The following NRG1 variants were observed in gnomAD, a reference collection of about 807,000 sequenced individuals.
NRG1 encodes neuregulin 1, also known as pro-neuregulin-1, membrane-bound isoform.
In NRG1, 18 loss-of-function variants were observed where a neutral mutation model predicts 63.8. The observed-to-expected ratio is 0.28, with a 90% confidence interval of 0.19 to 0.42. NRG1 has a LOEUF of 0.42. Among genes scored for constraint, NRG1 ranks in the 10% least tolerant of loss-of-function variants. The pLI, the probability that NRG1 is intolerant of heterozygous loss-of-function variation, is 1.00. For missense variants in NRG1, 762 were observed against 814.7 expected (o/e 0.94, Z 0.79); for synonymous variants, 302 against 301.3 (o/e 1.00, Z -0.02).
At chr8:32,672,731 C>T (rs1340976389) in intron 5 of NRG1, among the ~76,000 whole-genome samples, 1 of 151,714 alleles carries the variant, frequency 6.6e-6, no homozygotes, top group Non-Finnish European at 1.5e-5. Flanking sequence ...ATTGACCTTA[C>T]AGCACTGTTC....
intron 1 of NRG1, among the ~76,000 whole-genome samples, chr8:32,367,222 C>T (rs1476455713): frequency 1.3e-5 from 2 of 152,144 alleles, no homozygotes; most frequent in Middle Eastern, 3.2e-3. Flanking sequence ...GAACTATTTT[C>T]TACAGTGGTT....
chr8:31,904,564 GAC>G (rs1832364566), intron 1 of NRG1, among the ~76,000 whole-genome samples: 1 of 152,154 alleles, frequency 6.6e-6, no homozygotes, highest in South Asian at 2.1e-4. Context: ...CTACCATAAA[GAC>G]ACACGCATGC....
At chr8:32,395,773 G>A (rs1334236754) in intron 1 of NRG1, among the ~76,000 whole-genome samples, 1 of 151,982 alleles carries the variant, frequency 6.6e-6, no homozygotes, top group African/African-American at 2.4e-5. Flanking sequence ...TCTTTGGATT[G>A]TGCTTTTGGT....
At chr8:32,335,099 G>T (rs1321345329) in intron 1 of NRG1, among the ~76,000 whole-genome samples, 1 of 152,112 alleles carries the variant, frequency 6.6e-6, no homozygotes, top group African/African-American at 2.4e-5. Flanking sequence ...TATACCATAG[G>T]ATTTAAACTG....
chr8:32,254,660 G>T (rs1295775204), intron 1 of NRG1, among the ~76,000 whole-genome samples: 1 of 152,130 alleles, frequency 6.6e-6, no homozygotes, highest in Non-Finnish European at 1.5e-5. Flanking sequence ...TGTTGATTTG[G>T]GGTGTAGAGT....
intron 1 of NRG1, among the ~76,000 whole-genome samples, chr8:31,936,127 A>G (rs1292395902): frequency 1.3e-5 from 2 of 152,330 alleles, no homozygotes; most frequent in East Asian, 3.9e-4. Context: ...CATTGCTTTT[A>G]AGAAGTGTTA....
chr8:31,954,635 T>G (rs1804063839), intron 1 of NRG1, among the ~76,000 whole-genome samples: 1 of 152,316 alleles, frequency 6.6e-6, no homozygotes, highest in Admixed American at 6.5e-5. Context: ...TGCCTGTAAT[T>G]GACAGAATCT....
chr8:32,188,593 G>A (rs1056364203), intron 1 of NRG1, among the ~76,000 whole-genome samples: 1 of 152,152 alleles, frequency 6.6e-6, no homozygotes. Flanking sequence ...ATTCCAAGGA[G>A]TCTTTAAAAG....
At chr8:32,562,999 T>G (rs1836734676) in intron 1 of NRG1, among the ~76,000 whole-genome samples, 1 of 152,230 alleles carries the variant, frequency 6.6e-6, no homozygotes, top group Non-Finnish European at 1.5e-5. Flanking sequence ...GATGTGTTCC[T>G]GGTATGTTTT....
intron 9 of NRG1, among the ~76,000 whole-genome samples, chr8:32,757,274 A>G (rs1829851096): frequency 6.6e-6 from 1 of 152,202 alleles, no homozygotes; most frequent in African/African-American, 2.4e-5. Flanking sequence ...TTTTACAGAT[A>G]AGGGCCAGAG....
chr8:32,678,998 A>G (rs560121173), intron 5 of NRG1, among the ~76,000 whole-genome samples: 140 of 152,206 alleles, frequency 9.2e-4, no homozygotes, highest in Non-Finnish European at 1.5e-3. Context: ...ATGGCATTAA[A>G]AAAAAAGTAG....
At chr8:32,759,539 C>A in intron 10 of NRG1, 103 bp downstream of exon 10, 1 of 1,360,264 alleles carries the variant, frequency 7.4e-7, no homozygotes, top group South Asian at 1.5e-5. Flanking sequence ...AATGGATGGT[C>A]TTTGGGCAGC....
At chr8:32,354,637 A>G (rs1004863518) in intron 1 of NRG1, among the ~76,000 whole-genome samples, 3 of 151,902 alleles carry the variant, frequency 2.0e-5, no homozygotes, top group Non-Finnish European at 4.4e-5. Flanking sequence ...TCATGCCTGT[A>G]ATACCAGCAC....
chr8:32,568,962 G>GAA (rs58218932), intron 1 of NRG1, among the ~76,000 whole-genome samples: 1 of 146,718 alleles, frequency 6.8e-6, no homozygotes, highest in Admixed American at 6.8e-5. Context: ...CCTTGAAATG[G>GAA]AAAAAAAAAA....
chr8:32,343,241 T>C (rs1441101037), intron 1 of NRG1, among the ~76,000 whole-genome samples: 1 of 152,198 alleles, frequency 6.6e-6, no homozygotes, highest in South Asian at 2.1e-4. Flanking sequence ...ATATTTGGCT[T>C]AATATATTGT....
chr8:31,645,293 G>T (rs1804186781), intron 1 of NRG1, among the ~76,000 whole-genome samples: 1 of 152,164 alleles, frequency 6.6e-6, no homozygotes, highest in Non-Finnish European at 1.5e-5. Context: ...GAAATCTAAT[G>T]TTGAATTATT....
chr8:32,471,498 T>C (rs1417408408), intron 1 of NRG1, among the ~76,000 whole-genome samples: 1 of 152,194 alleles, frequency 6.6e-6, no homozygotes, highest in African/African-American at 2.4e-5. Flanking sequence ...AATGGTGAAG[T>C]ACCCTTTTTA....
chr8:32,515,785 T>G (rs759278611), intron 1 of NRG1, among the ~76,000 whole-genome samples: 13 of 152,198 alleles, frequency 8.5e-5, no homozygotes, highest in Non-Finnish European at 4.4e-5. Context: ...GTTTATTGAT[T>G]TAAGTTCTTT....
intron 1 of NRG1, among the ~76,000 whole-genome samples, chr8:31,729,125 G>A (rs950742365): frequency 2.0e-5 from 3 of 152,112 alleles, no homozygotes; most frequent in African/African-American, 7.2e-5. Flanking sequence ...TGGTGCCCAG[G>A]CAGTTTGCTT....
Sources: gnomAD v4.1 joint callset for allele counts (sites outside exome capture counted in the v4.1 genomes callset) on GRCh38, gnomAD v4.1.1 for gene constraint, MANE v1.5 for transcripts, NCBI Gene and HGNC (gene_info 2026-07-23, HGNC 2026-07-21) for gene names.